The following CDH12 variants were observed in gnomAD, a reference collection of about 807,000 sequenced individuals.
CDH12 encodes cadherin 12.
CDH12 carries 41 observed loss-of-function variants against 74.1 expected under a neutral mutation model. The observed-to-expected ratio is 0.55, with a 90% CI of 0.43 to 0.72. The LOEUF is 0.72. Among genes scored for constraint, CDH12 ranks in the 30% least tolerant of loss-of-function variants. CDH12 has a pLI of 0.00. For synonymous variants in CDH12, 399 were observed against 355.0 expected (o/e 1.12, Z -1.39); for missense variants, 945 against 977.2 (o/e 0.97, Z 0.44).
chr5:21,791,928 C>T (rs1308563637), intron 10 of CDH12, among the ~76,000 whole-genome samples: 1 of 151,900 alleles, frequency 6.6e-6, no homozygotes, highest in Non-Finnish European at 1.5e-5. Context: ...CAGTTCTCAA[C>T]TACATGTGTA....
chr5:21,985,572 T>C (rs1326859148), intron 5 of CDH12, among the ~76,000 whole-genome samples: 1 of 152,160 alleles, frequency 6.6e-6, no homozygotes, highest in Non-Finnish European at 1.5e-5. Flanking sequence ...TGTCACTGAT[T>C]TGTTTACTTA....
intron 3 of CDH12, among the ~76,000 whole-genome samples, chr5:22,319,099 A>G (rs1165714763): frequency 6.6e-6 from 1 of 152,226 alleles, no homozygotes. Flanking sequence ...CAACCACCAC[A>G]GAAAAATCAG....
intron 3 of CDH12, among the ~76,000 whole-genome samples, chr5:22,352,227 T>C (rs1230951782): frequency 6.6e-6 from 1 of 152,108 alleles, no homozygotes; most frequent in African/African-American, 2.4e-5. Flanking sequence ...TTATACTTGG[T>C]ATCTGCTAGC....
intron 3 of CDH12, among the ~76,000 whole-genome samples, chr5:22,326,908 T>G (rs747116485): frequency 6.6e-5 from 10 of 152,226 alleles, no homozygotes; most frequent in Non-Finnish European, 7.3e-5. Context: ...GTGAAAATAT[T>G]TTTATCTATG....
intron 1 of CDH12, among the ~76,000 whole-genome samples, chr5:22,742,837 G>T (rs1011059908): frequency 1.6e-4 from 24 of 151,678 alleles, no homozygotes; most frequent in African/African-American, 5.8e-4. Flanking sequence ...AATTTTATGT[G>T]TCAACTTGAC....
At chr5:22,776,014 T>C (rs1747080739) in intron 1 of CDH12, among the ~76,000 whole-genome samples, 1 of 152,136 alleles carries the variant, frequency 6.6e-6, no homozygotes, top group South Asian at 2.1e-4. Context: ...CTTTTGCCTC[T>C]CGCCATGATT....
At chr5:22,605,692 C>A (rs1737077253) in intron 1 of CDH12, among the ~76,000 whole-genome samples, 1 of 152,250 alleles carries the variant, frequency 6.6e-6, no homozygotes, top group East Asian at 1.9e-4. Context: ...TCCCCACAGG[C>A]CTTGCCTGTG....
intron 11 of CDH12, among the ~76,000 whole-genome samples, chr5:21,779,041 G>GGT (rs1554029600): frequency 2.7e-5 from 4 of 150,912 alleles, no homozygotes; most frequent in African/African-American, 9.7e-5. Context: ...GGAATTCACT[G>GGT]TTTTTTTTTA....
intron 4 of CDH12, among the ~76,000 whole-genome samples, chr5:22,177,473 CAACTT>C (rs1205389211): frequency 1.3e-5 from 2 of 152,040 alleles, no homozygotes; most frequent in African/African-American, 4.8e-5. Context: ...GATATAGTAT[CAACTT>C]AAAAAATTTC....
chr5:21,838,508 C>T (rs1260245719), intron 8 of CDH12, among the ~76,000 whole-genome samples: 4 of 152,034 alleles, frequency 2.6e-5, no homozygotes, highest in African/African-American at 4.8e-5. Context: ...GGCAGTGAGC[C>T]GAGATCATGC....
chr5:21,808,007 G>A (rs1030758200), intron 9 of CDH12, among the ~76,000 whole-genome samples: 6 of 152,056 alleles, frequency 3.9e-5, no homozygotes, highest in Non-Finnish European at 8.8e-5. Context: ...GTCATTATAG[G>A]AGATTATGTG....
chr5:22,789,680 T>C (rs1747812610), intron 1 of CDH12, among the ~76,000 whole-genome samples: 2 of 152,028 alleles, frequency 1.3e-5, no homozygotes, highest in Admixed American at 1.3e-4. Context: ...TACAACAGGC[T>C]AGGTTTCCTG....
chr5:22,370,782 G>A (rs762183396), intron 3 of CDH12, among the ~76,000 whole-genome samples: 9 of 152,072 alleles, frequency 5.9e-5, no homozygotes, highest in South Asian at 4.1e-4. Context: ...TAGGTCATAC[G>A]TATGGGAATA....
chr5:22,812,638 G>A (rs1337844859), intron 1 of CDH12, among the ~76,000 whole-genome samples: 1 of 152,106 alleles, frequency 6.6e-6, no homozygotes, highest in Non-Finnish European at 1.5e-5. Flanking sequence ...CTCATGTTTG[G>A]GGGTGTGGGA....
intron 6 of CDH12, among the ~76,000 whole-genome samples, chr5:21,855,317 A>G (rs961854217): frequency 1.3e-5 from 2 of 151,726 alleles, no homozygotes; most frequent in African/African-American, 4.8e-5. Context: ...AAATAGTTAT[A>G]AGAGCACTTC....
At chr5:21,819,534 G>A (rs948269474) in intron 8 of CDH12, among the ~76,000 whole-genome samples, 3 of 151,838 alleles carry the variant, frequency 2.0e-5, no homozygotes, top group African/African-American at 4.8e-5. Context: ...TTGAATTCAC[G>A]GTACGATTGG....
At chr5:22,716,479 A>C (rs1487406) in intron 1 of CDH12, among the ~76,000 whole-genome samples, 84,305 of 151,698 alleles carry the variant, frequency 0.56, 23,424 homozygotes, top group East Asian at 0.58. Context: ...GCTGCCAGTC[A>C]CATAAAATTC....
At chr5:22,350,014 T>C (rs1740293242) in intron 3 of CDH12, among the ~76,000 whole-genome samples, 1 of 152,230 alleles carries the variant, frequency 6.6e-6, no homozygotes, top group African/African-American at 2.4e-5. Flanking sequence ...TTCTGTAACA[T>C]ATGAGGACAT....
chr5:21,787,579 G>A (rs547163881), intron 10 of CDH12, among the ~76,000 whole-genome samples: 2 of 152,180 alleles, frequency 1.3e-5, no homozygotes, highest in African/African-American at 2.4e-5. Context: ...TTGCTTTATC[G>A]TGGTAGTCTG....
Sources: allele counts gnomAD v4.1 joint callset (sites outside exome capture counted in the v4.1 genomes callset), GRCh38; gene constraint gnomAD v4.1.1; transcripts MANE v1.5; gene names NCBI Gene and HGNC (gene_info 2026-07-23, HGNC 2026-07-21).